The following PROM1 variants were observed in gnomAD, a reference collection of about 807,000 sequenced individuals.
The protein encoded by PROM1 is prominin 1.
A neutral mutation model predicts 116.9 loss-of-function variants in PROM1; 105 were observed. The ratio of observed to expected loss-of-function variants is 0.90; its 90% CI spans 0.77 to 1.06. The LOEUF is 1.06. PROM1 is among the 50% of genes least tolerant of loss of function. The pLI is 0.00. For synonymous variants in PROM1, 393 were observed against 387.0 expected (o/e 1.02, Z -0.18); for missense variants, 1,122 against 1,045.2 (o/e 1.07, Z -1.01).
intron 24 of PROM1, 35 bp downstream of exon 24, chr4:15,980,387 A>G (rs1262673751): frequency 9.5e-6 from 13 of 1,375,346 alleles, no homozygotes; most frequent in Non-Finnish European, 1.3e-5. Flanking sequence ...CACCTAGAAA[A>G]TGACCCCCAC....
intron 2 of PROM1, chr4:16,055,403 G>C (rs1479107551): frequency 4.4e-6 from 2 of 456,044 alleles, no homozygotes; most frequent in South Asian, 1.5e-5. Context: ...TTGGCTGCAG[G>C]GTCTTAAATG....
rs740579 is a variant in PROM1 at position 15,973,152 on chromosome 4, A to C, written c.2583-2070T>G. ...AGGCTGCAGAGGTGCAGCCATGCGG[A>C]CCCCTCCTACTTCTATCTAAGAATC... On this transcript the variant is annotated intron_variant, in intron 26 of 27. Coordinates refer to ENST00000447510, the MANE Select transcript of PROM1 (RefSeq NM_006017.3). 9.3e-3 allele frequency among the ~76,000 whole-genome samples: 1,409 copies of C among 152,000 alleles called. 21 individuals carry two copies. The highest frequency in any genetic ancestry group is 0.032 in the African/African-American group (1,327 of 41,448).
At position 15,969,286 on chromosome 4, in the gene PROM1, C is replaced by A. The variant is rs1024479425; in HGVS notation, c.*107G>T. On this transcript the variant is annotated 3_prime_UTR_variant, in exon 28 of 28. Transcript: ENST00000447510. ...GCCTGAGTCACTACGTTGCCACTGGCGTTGCTCCTGGATTTGGAAAGTCCT... is the reference window on the plus strand; with the variant it reads ...GCCTGAGTCACTACGTTGCCACTGGAGTTGCTCCTGGATTTGGAAAGTCCT... 1 of 152,152 alleles carries A rather than the reference C, an allele frequency of 6.6e-6. No homozygotes were observed. The highest frequency in any genetic ancestry group is 1.5e-5 in the Non-Finnish European group (1 of 68,044). 9.4% of individuals were successfully genotyped at this position (152,152 alleles called of 1,614,324 possible).
At position 16,018,390 on chromosome 4, in the gene PROM1, G is replaced by C; in HGVS notation, c.935C>G (p.Ser312Ter). ...TCTGATGCTGTTGCAGGTTTCACTT[G>C]ATGGATGCACCAAGCACAGAGGGTC... ...LNDPLCLVHP[S>*]SETCNSIRLS... is the part of the protein sequence containing the mutation. Residue 312 changes from serine to a stop codon, truncating the protein, a stop_gained, in exon 9 of 28, where the codon TCA becomes TGA. Transcript: ENST00000447510. LOFTEE classifies it high-confidence loss of function. The C allele has an allele frequency of 6.2e-7, 1 of 1,613,872 alleles. No individual in the cohort carries two copies. Among genetic ancestry groups the C allele is most frequent in the Non-Finnish European group, 8.5e-7 (1 of 1,179,892 alleles).
intron 11 of PROM1, among the ~76,000 whole-genome samples, chr4:16,012,568 T>A (rs369920644): frequency 4.9e-4 from 75 of 152,218 alleles, no homozygotes; most frequent in African/African-American, 1.6e-3. Context: ...TACACAGTAT[T>A]CCTTTAAAAA....
intron 9 of PROM1, among the ~76,000 whole-genome samples, chr4:16,016,886 G>A (rs1435960026): frequency 6.6e-6 from 1 of 152,182 alleles, no homozygotes; most frequent in Non-Finnish European, 1.5e-5. Flanking sequence ...CAGATTAACA[G>A]GAATGAAAGA....
At chr4:16,059,715 T>C (rs1045842242) in intron 2 of PROM1, among the ~76,000 whole-genome samples, 1 of 152,166 alleles carries the variant, frequency 6.6e-6, no homozygotes, top group Non-Finnish European at 1.5e-5. Flanking sequence ...CATGAAATTA[T>C]AAACTGACCT....
chr4:15,984,706 C>T (rs1577835157), intron 22 of PROM1, among the ~76,000 whole-genome samples: 1 of 152,176 alleles, frequency 6.6e-6, no homozygotes, highest in African/African-American at 2.4e-5. Flanking sequence ...ACTGCACATG[C>T]GAGGAATCTC....
At chr4:16,009,201 T>C in intron 11 of PROM1, 93 bp from the exon 12 acceptor site, 1 of 1,085,644 alleles carries the variant, frequency 9.2e-7, no homozygotes, top group Non-Finnish European at 1.3e-6. Flanking sequence ...GAACCACCTT[T>C]AGTTTTTCTC....
At chr4:16,001,552 T>C (rs2677778) in intron 13 of PROM1, among the ~76,000 whole-genome samples, 146,449 of 152,224 alleles carry the variant, frequency 0.96, 70,585 homozygotes, top group African/African-American at 0.99. Flanking sequence ...AGTAGGAAGG[T>C]AACTATGTGG....
intron 1 of PROM1, chr4:16,078,066 G>A (rs915002395): frequency 3.3e-5 from 5 of 152,218 alleles, no homozygotes; most frequent in African/African-American, 1.2e-4. Context: ...GGGTCTCAGA[G>A]ATGAAAGCCA....
intron 19 of PROM1, among the ~76,000 whole-genome samples, chr4:15,988,050 G>C (rs1315759504): frequency 6.6e-6 from 1 of 151,850 alleles, no homozygotes; most frequent in Non-Finnish European, 1.5e-5. Context: ...CTAATTTTTT[G>C]TATTTTTAGT....
chr4:16,007,331 T>C (rs756707451), intron 12 of PROM1, among the ~76,000 whole-genome samples: 4 of 152,224 alleles, frequency 2.6e-5, no homozygotes, highest in Non-Finnish European at 4.4e-5. Context: ...TTTAGGATAA[T>C]GGATCCTCAA....
chr4:15,995,135 C>A (rs1721987730), intron 15 of PROM1, among the ~76,000 whole-genome samples: 1 of 152,152 alleles, frequency 6.6e-6, no homozygotes. Context: ...GGTTGACTAT[C>A]AATGTCTACC....
chr4:15,970,171 T>G (rs1191060018), intron 27 of PROM1, among the ~76,000 whole-genome samples: 1 of 149,394 alleles, frequency 6.7e-6, no homozygotes. Flanking sequence ...TTCTTTTCTT[T>G]TTTTTTTTTT....
intron 23 of PROM1, 126 bp from the exon 24 acceptor site, chr4:15,980,663 T>C (rs1717627201): frequency 1.5e-6 from 1 of 678,560 alleles, no homozygotes; most frequent in South Asian, 1.9e-5. Context: ...CATTTTGTTC[T>C]TTAAAACAAT....
chr4:16,069,854 A>T (rs921410425), intron 2 of PROM1, among the ~76,000 whole-genome samples: 1 of 152,238 alleles, frequency 6.6e-6, no homozygotes, highest in Non-Finnish European at 1.5e-5. Context: ...TTATGGACAG[A>T]TAAAGGAAAG....
At chr4:16,079,677 A>C (rs1744635452) in intron 1 of PROM1, among the ~76,000 whole-genome samples, 2 of 152,244 alleles carry the variant, frequency 1.3e-5, no homozygotes, top group South Asian at 4.1e-4. Context: ...GATGAAACCC[A>C]TTAATCTGCA....
intron 8 of PROM1, among the ~76,000 whole-genome samples, chr4:16,021,600 G>A (rs1165833188): frequency 1.3e-5 from 2 of 152,182 alleles, no homozygotes; most frequent in Non-Finnish European, 2.9e-5. Context: ...CAAACGCACT[G>A]ACGCACGAGG....
Sources: allele counts gnomAD v4.1 joint callset (sites outside exome capture counted in the v4.1 genomes callset), GRCh38; gene constraint gnomAD v4.1.1; transcripts MANE v1.5; gene names NCBI Gene and HGNC (gene_info 2026-07-23, HGNC 2026-07-21).